Variants in ZNF423 observed in about 807,000 individuals in gnomAD.
ZNF423 encodes the protein zinc finger protein 423.
Under a neutral mutation model 95.8 loss-of-function variants are expected in ZNF423, and 12 were observed. That is an observed-to-expected ratio of 0.13 (90% CI 0.08 to 0.20). The LOEUF (loss-of-function observed/expected upper bound fraction) is 0.20, where lower values mean the gene tolerates loss of function less well. Ranked by LOEUF, ZNF423 falls within the 10% of genes least tolerant of loss-of-function variation. The pLI, the probability that ZNF423 is intolerant of heterozygous loss-of-function variation, is 1.00. For missense variants in ZNF423, 1,316 were observed against 1,737.1 expected (o/e 0.76, Z 4.31); for synonymous variants, 749 against 711.9 (o/e 1.05, Z -0.83).
chr16:49,853,041 A>C (rs530195352), intron 1 of ZNF423, among the ~76,000 whole-genome samples: 36 of 152,286 alleles, frequency 2.4e-4, no homozygotes, highest in Middle Eastern at 6.8e-3. Context: ...CATTTCCGAG[A>C]TCAACTACAA....
chr16:49,559,875 AG>A (rs1969961075), intron 5 of ZNF423, among the ~76,000 whole-genome samples: 1 of 152,200 alleles, frequency 6.6e-6, no homozygotes, highest in Non-Finnish European at 1.5e-5. Flanking sequence ...TCCTCCCAAG[AG>A]AGGTGCAAAC....
At chr16:49,744,392 C>T (rs912585264) in intron 2 of ZNF423, among the ~76,000 whole-genome samples, 2 of 151,594 alleles carry the variant, frequency 1.3e-5, no homozygotes, top group Non-Finnish European at 2.9e-5. Context: ...CATGGCCAGG[C>T]GGGGTGTCCC....
intron 3 of ZNF423, among the ~76,000 whole-genome samples, chr16:49,721,871 A>G (rs188390049): frequency 8.5e-5 from 13 of 152,164 alleles, no homozygotes; most frequent in Admixed American, 3.3e-4. Flanking sequence ...AGAAATGCAG[A>G]ATCTTCCCAC....
At chr16:49,529,313 TA>T (rs922259867) in intron 5 of ZNF423, among the ~76,000 whole-genome samples, 34 of 151,612 alleles carry the variant, frequency 2.2e-4, no homozygotes, top group East Asian at 9.7e-4. Flanking sequence ...TTATTATGAT[TA>T]AAAAAAATAA....
intron 3 of ZNF423, among the ~76,000 whole-genome samples, chr16:49,647,365 T>A (rs1016644969): frequency 2.6e-5 from 4 of 152,326 alleles, no homozygotes; most frequent in African/African-American, 9.6e-5. Context: ...AACCTGGAGA[T>A]TGTGGTAGGC....
chr16:49,499,813 T>C (rs1169891511), intron 7 of ZNF423, among the ~76,000 whole-genome samples: 6 of 152,196 alleles, frequency 3.9e-5, no homozygotes, highest in Non-Finnish European at 4.4e-5. Context: ...GGTTCTGTAC[T>C]GCTGTACTTT....
intron 2 of ZNF423, among the ~76,000 whole-genome samples, chr16:49,768,736 C>T (rs956262991): frequency 7.9e-5 from 12 of 151,290 alleles, no homozygotes; most frequent in African/African-American, 2.4e-5. Flanking sequence ...AGTCTATGCT[C>T]ACCCCCCAGT....
At chr16:49,575,567 C>T (rs1489953308) in intron 5 of ZNF423, among the ~76,000 whole-genome samples, 6 of 152,108 alleles carry the variant, frequency 3.9e-5, no homozygotes, top group Non-Finnish European at 7.3e-5. Flanking sequence ...GAGATAGGCC[C>T]GACTGTGCCT....
At chr16:49,801,619 T>A (rs1266783043) in intron 1 of ZNF423, among the ~76,000 whole-genome samples, 1 of 152,184 alleles carries the variant, frequency 6.6e-6, no homozygotes, top group Non-Finnish European at 1.5e-5. Flanking sequence ...ACCTAGGAGC[T>A]TGTTGGAAAT....
intron 5 of ZNF423, among the ~76,000 whole-genome samples, chr16:49,528,443 G>A (rs1384461645): frequency 6.6e-6 from 1 of 152,120 alleles, no homozygotes; most frequent in Admixed American, 6.5e-5. Context: ...TAAGGTTCCA[G>A]GCTAATTAGA....
At chr16:49,639,253 A>C (rs1467438549) in intron 3 of ZNF423, among the ~76,000 whole-genome samples, 1 of 152,214 alleles carries the variant, frequency 6.6e-6, no homozygotes, top group Non-Finnish European at 1.5e-5. Flanking sequence ...GGCCAAAAGG[A>C]AGACAAGTCC....
At chr16:49,552,648 C>A (rs542217196) in intron 5 of ZNF423, among the ~76,000 whole-genome samples, 2 of 152,212 alleles carry the variant, frequency 1.3e-5, no homozygotes, top group African/African-American at 4.8e-5. Context: ...AAAAGAAGCA[C>A]GTCAGTCTGC....
intron 1 of ZNF423, among the ~76,000 whole-genome samples, chr16:49,815,900 ATATATATATATATATTTTTT>A (rs2034841145): frequency 6.5e-5 from 3 of 46,010 alleles, no homozygotes; most frequent in African/African-American, 9.0e-5. Flanking sequence ...ATATATATAT[ATATATATATATATATTTTTT>A]TTTTTTTTTT....
At chr16:49,856,977 C>T (rs1441668892), upstream of ZNF423, among the ~76,000 whole-genome samples, 4 of 147,792 alleles carry the variant, frequency 2.7e-5, no homozygotes, top group Non-Finnish European at 6.0e-5. Context: ...GCGGCTGCGC[C>T]CCGGCTCCTC....
At chr16:49,813,101 G>A (rs923062888) in intron 1 of ZNF423, among the ~76,000 whole-genome samples, 12 of 152,026 alleles carry the variant, frequency 7.9e-5, no homozygotes, top group African/African-American at 2.9e-4. Flanking sequence ...CTACTAGGCG[G>A]TGGGGCTTTG....
intron 5 of ZNF423, among the ~76,000 whole-genome samples, chr16:49,549,934 G>A (rs1969577737): frequency 6.6e-6 from 1 of 151,894 alleles, no homozygotes; most frequent in Non-Finnish European, 1.5e-5. Context: ...GTGCAGTGGT[G>A]CAATCACCGC....
chr16:49,538,654 CT>C (rs147189341), intron 5 of ZNF423, among the ~76,000 whole-genome samples: 1,854 of 152,308 alleles, frequency 0.012, 16 homozygotes, highest in Non-Finnish European at 0.02. Context: ...CCGCACCCAG[CT>C]TCCTCCTGGC....
intron 5 of ZNF423, among the ~76,000 whole-genome samples, chr16:49,606,505 G>T (rs552309947): frequency 6.6e-6 from 1 of 152,322 alleles, no homozygotes; most frequent in East Asian, 1.9e-4. Flanking sequence ...TTATCCCAGG[G>T]GGTGATGTGG....
intron 3 of ZNF423, among the ~76,000 whole-genome samples, chr16:49,661,037 A>G (rs972712156): frequency 6.6e-6 from 1 of 152,140 alleles, no homozygotes; most frequent in Non-Finnish European, 1.5e-5. Flanking sequence ...CCTGGCCAAC[A>G]TGGTGAAACC....
Sources: gnomAD v4.1 joint callset for allele counts (sites outside exome capture counted in the v4.1 genomes callset) on GRCh38, gnomAD v4.1.1 for gene constraint, MANE v1.5 for transcripts, NCBI Gene and HGNC (gene_info 2026-07-23, HGNC 2026-07-21) for gene names.